The following PDE10A variants were observed in gnomAD, a reference collection of about 807,000 sequenced individuals.
The protein encoded by PDE10A is cAMP and cAMP-inhibited cGMP 3',5'-cyclic phosphodiesterase 10A.
In PDE10A, 39 loss-of-function variants were observed where a neutral mutation model predicts 97.7. That is an observed-to-expected ratio of 0.40 (90% confidence interval 0.31 to 0.52). PDE10A has a LOEUF of 0.52. Among genes scored for constraint, PDE10A ranks in the 20% least tolerant of loss-of-function variants. The pLI, the probability that PDE10A is intolerant of heterozygous loss-of-function variation, is 0.56. For synonymous variants in PDE10A, 371 were observed against 376.8 expected (o/e 0.98, Z 0.18); for missense variants, 731 against 1,047.8 (o/e 0.70, Z 4.17).
At chr6:165,620,800 A>G (rs917500397) in intron 1 of PDE10A, among the ~76,000 whole-genome samples, 1 of 147,852 alleles carries the variant, frequency 6.8e-6, no homozygotes, top group South Asian at 2.1e-4. Flanking sequence ...AGGCGGGTGG[A>G]TCATGAGGTC....
intron 1 of PDE10A, among the ~76,000 whole-genome samples, chr6:165,968,728 T>C (rs1156291416): frequency 1.3e-5 from 2 of 152,228 alleles, no homozygotes; most frequent in African/African-American, 4.8e-5. Flanking sequence ...ACACATAAGA[T>C]TATATCTATG....
intron 1 of PDE10A, among the ~76,000 whole-genome samples, chr6:165,678,916 C>G (rs544346040): frequency 6.6e-6 from 1 of 152,182 alleles, no homozygotes; most frequent in Non-Finnish European, 1.5e-5. Context: ...TAGAAACAGG[C>G]AGACTCTTCC....
At chr6:165,879,923 CG>C (rs60091899) in intron 1 of PDE10A, among the ~76,000 whole-genome samples, 115,996 of 150,596 alleles carry the variant, frequency 0.77, 44,843 homozygotes, top group East Asian at 0.96. Context: ...TATGAATTCT[CG>C]GGGGGGGACA....
At chr6:165,398,794 TA>T (rs1786397220) in intron 13 of PDE10A, among the ~76,000 whole-genome samples, 1 of 152,102 alleles carries the variant, frequency 6.6e-6, no homozygotes, top group South Asian at 2.1e-4. Flanking sequence ...AAGAACAGAT[TA>T]AACACATAGA....
chr6:165,941,532 A>G (rs1783518145), intron 1 of PDE10A, among the ~76,000 whole-genome samples: 2 of 152,052 alleles, frequency 1.3e-5, no homozygotes, highest in Non-Finnish European at 1.5e-5. Flanking sequence ...CCGGTGGGGG[A>G]TGTCGGGATC....
At chr6:165,371,795 C>T (rs1296023576) in intron 18 of PDE10A, among the ~76,000 whole-genome samples, 19 of 152,094 alleles carry the variant, frequency 1.2e-4, no homozygotes, top group South Asian at 8.3e-4. Flanking sequence ...TTTAGACCAA[C>T]ATCCTTGATG....
At position 165,662,086 on chromosome 6, in the gene PDE10A, GC is replaced by G; in HGVS notation, c.725del (p.Gly242AlafsTer40). 1 of 1,238,438 alleles carries G rather than the reference GC, an allele frequency of 8.1e-7. No homozygotes were observed. Among genetic ancestry groups the G allele is most frequent in the Non-Finnish European group, 1.0e-6 (1 of 977,782 alleles). The allele number at this position is 1,238,438 out of a possible 1,614,324, so 76.7% of individuals were successfully genotyped here. On this transcript the variant is annotated frameshift_variant, in exon 1 of 22. Transcript: ENST00000539869. LOFTEE classifies it high-confidence loss of function. ...GFPGAGPGGGGQTPRRPQGAS... is the reference protein window; with the variant it reads ...GFPGAGPGGGXQTPRRPQGAS... Reference sequence around the variant, plus strand: ...CGCCCTGGGGACGCCGCGGAGTTTGGCCGCCGCCGCCTGGGCCGGCGCCGGG... The same window carrying G: ...CGCCCTGGGGACGCCGCGGAGTTTGGCGCCGCCGCCTGGGCCGGCGCCGGG...
chr6:165,654,971 C>A (rs1419519675), intron 1 of PDE10A, among the ~76,000 whole-genome samples: 7 of 152,210 alleles, frequency 4.6e-5, no homozygotes, highest in Admixed American at 3.9e-4. Context: ...TGCTCACTCC[C>A]ACTATTCACT....
intron 1 of PDE10A, among the ~76,000 whole-genome samples, chr6:165,911,196 A>T (rs930864391): frequency 6.6e-6 from 1 of 152,198 alleles, no homozygotes; most frequent in Admixed American, 6.5e-5. Context: ...ATAACTTAAA[A>T]ACCCAAAACA....
chr6:165,361,785 T>C (rs1275479169), intron 18 of PDE10A, among the ~76,000 whole-genome samples: 1 of 152,202 alleles, frequency 6.6e-6, no homozygotes, highest in East Asian at 1.9e-4. Flanking sequence ...GAACTTACTG[T>C]CCTTCTGAAC....
At chr6:165,387,443 A>T (rs1248112522) in intron 17 of PDE10A, among the ~76,000 whole-genome samples, 1 of 152,170 alleles carries the variant, frequency 6.6e-6, no homozygotes, top group African/African-American at 2.4e-5. Flanking sequence ...AGAAAAAAAA[A>T]TCCTGGCATT....
chr6:165,844,009 A>C (rs1417050959), intron 1 of PDE10A, among the ~76,000 whole-genome samples: 1 of 152,168 alleles, frequency 6.6e-6, no homozygotes, highest in Non-Finnish European at 1.5e-5. Flanking sequence ...TCCGAAATGA[A>C]GACCATTGTG....
At chr6:165,764,494 G>C (rs1033922511) in intron 1 of PDE10A, among the ~76,000 whole-genome samples, 2 of 143,926 alleles carry the variant, frequency 1.4e-5, no homozygotes, top group Non-Finnish European at 3.0e-5. Flanking sequence ...GTGGACCCTC[G>C]CAGTGTTACA....
At chr6:165,943,321 A>G (rs1783638850) in intron 1 of PDE10A, among the ~76,000 whole-genome samples, 1 of 124,392 alleles carries the variant, frequency 8.0e-6, no homozygotes, top group African/African-American at 3.7e-5. Context: ...GAAGGAAGGA[A>G]AGAAAGAAAA....
chr6:165,347,272 T>C (rs1032606394), intron 18 of PDE10A, among the ~76,000 whole-genome samples: 4 of 152,140 alleles, frequency 2.6e-5, no homozygotes, highest in African/African-American at 7.2e-5. Context: ...AAAGTATTAT[T>C]TGAACAGCTG....
intron 1 of PDE10A, among the ~76,000 whole-genome samples, chr6:165,626,222 G>C (rs112119746): frequency 6.6e-6 from 1 of 152,170 alleles, no homozygotes; most frequent in African/African-American, 2.4e-5. Flanking sequence ...AGGGAATCAC[G>C]CTCAGGAAAC....
intron 3 of PDE10A, among the ~76,000 whole-genome samples, chr6:165,465,592 T>G (rs1023208705): frequency 6.6e-6 from 1 of 152,184 alleles, no homozygotes; most frequent in African/African-American, 2.4e-5. Flanking sequence ...AGTTGACTTA[T>G]AGTTCCACAT....
intron 1 of PDE10A, among the ~76,000 whole-genome samples, chr6:165,869,553 A>T (rs568087364): frequency 8.5e-4 from 130 of 152,292 alleles, no homozygotes; most frequent in African/African-American, 3.0e-3. Context: ...TGCGTCCCCT[A>T]TCAAAATACC....
intron 1 of PDE10A, among the ~76,000 whole-genome samples, chr6:165,693,186 C>T (rs940168960): frequency 6.6e-6 from 1 of 152,140 alleles, no homozygotes; most frequent in African/African-American, 2.4e-5. Context: ...TACTCATCTG[C>T]ATTGTTTCAG....
Sources: allele counts gnomAD v4.1 joint callset (sites outside exome capture counted in the v4.1 genomes callset), GRCh38; gene constraint gnomAD v4.1.1; transcripts MANE v1.5; gene names NCBI Gene and HGNC (gene_info 2026-07-23, HGNC 2026-07-21).